BICC1: variants seen among roughly 807,000 people sequenced by gnomAD.
BICC1 encodes the protein protein bicaudal C homolog 1.
Under a neutral mutation model 111.0 loss-of-function variants are expected in BICC1, and 43 were observed. The ratio of observed to expected loss-of-function variants is 0.39; its 90% confidence interval spans 0.30 to 0.50. The LOEUF (loss-of-function observed/expected upper bound fraction) is 0.50. Ranked by LOEUF, BICC1 falls within the 20% of genes least tolerant of loss-of-function variation. The pLI, the probability that BICC1 is intolerant of heterozygous loss-of-function variation, is 0.88. For synonymous variants in BICC1, 467 were observed against 434.4 expected (o/e 1.07, Z -0.93); for missense variants, 1,091 against 1,203.2 (o/e 0.91, Z 1.38).
chr10:58,730,674 G>C (rs1035360849), intron 3 of BICC1, among the ~76,000 whole-genome samples: 3 of 152,044 alleles, frequency 2.0e-5, no homozygotes, highest in African/African-American at 7.2e-5. Context: ...CCAAGCCTCA[G>C]TCTTTCTTTC....
chr10:58,525,885 G>T (rs1029204101), intron 1 of BICC1, among the ~76,000 whole-genome samples: 18 of 151,850 alleles, frequency 1.2e-4, no homozygotes, highest in Non-Finnish European at 2.5e-4. Context: ...AATGTTTTCT[G>T]TATTTCTAAG....
At chr10:58,758,981 A>T (rs957049941) in intron 3 of BICC1, among the ~76,000 whole-genome samples, 1 of 148,086 alleles carries the variant, frequency 6.8e-6, no homozygotes, top group East Asian at 2.0e-4. Flanking sequence ...TTATTTTGAG[A>T]TGGAGTCTTG....
At chr10:58,751,663 A>G (rs1841994706) in intron 3 of BICC1, among the ~76,000 whole-genome samples, 2 of 152,194 alleles carry the variant, frequency 1.3e-5, no homozygotes, top group African/African-American at 4.8e-5. Flanking sequence ...CCCAAAATAT[A>G]ACTGTTTCTT....
rs547606226 is a variant in BICC1 at position 58,552,582 on chromosome 10, G to A, written c.190+39249G>A. Among the ~76,000 whole-genome samples the A allele has an allele frequency of 3.9e-5, 6 of 152,168 alleles. No homozygotes were observed. The East Asian group carries it at 7.7e-4, about 20-fold the overall frequency. On this transcript the variant is annotated intron_variant, in intron 1 of 20. Coordinates refer to ENST00000373886, the MANE Select transcript of BICC1 (RefSeq NM_001080512.3). ...CATCTCCTGACCTTGTGATCCACCC[G>A]CCTCGGCGTCCCAAAGTTCTGGGAT...
chr10:58,789,538 AT>A, intron 7 of BICC1, 82 bp downstream of exon 7: 2 of 1,506,632 alleles, frequency 1.3e-6, no homozygotes, highest in Non-Finnish European at 9.0e-7. Flanking sequence ...GACTAATTTG[AT>A]TTCCAGAATT....
chr10:58,629,897 A>G (rs1837741343), intron 2 of BICC1, among the ~76,000 whole-genome samples: 1 of 152,170 alleles, frequency 6.6e-6, no homozygotes, highest in South Asian at 2.1e-4. Context: ...TATTCAATTC[A>G]ACTTGCTTTC....
intron 2 of BICC1, among the ~76,000 whole-genome samples, chr10:58,625,160 CTCTA>C (rs1226092712): frequency 1.3e-5 from 2 of 152,206 alleles, no homozygotes; most frequent in Non-Finnish European, 2.9e-5. Context: ...CTGATGGCAG[CTCTA>C]TCTAATGGAA....
At chr10:58,665,995 A>T (rs142401456) in intron 2 of BICC1, among the ~76,000 whole-genome samples, 1 of 152,310 alleles carries the variant, frequency 6.6e-6, no homozygotes, top group East Asian at 1.9e-4. Context: ...TTATGTTCTC[A>T]TACTTCTGGC....
At chr10:58,677,949 A>G (rs1054329460) in intron 2 of BICC1, among the ~76,000 whole-genome samples, 1 of 152,246 alleles carries the variant, frequency 6.6e-6, no homozygotes, top group Non-Finnish European at 1.5e-5. Context: ...ACTAAGCTTC[A>G]TAAGTGAGGG....
intron 20 of BICC1, among the ~76,000 whole-genome samples, chr10:58,825,293 C>T (rs1007341399): frequency 2.6e-5 from 4 of 152,096 alleles, no homozygotes; most frequent in Non-Finnish European, 5.9e-5. Flanking sequence ...TGCACAGGTT[C>T]ACTTATACAC....
chr10:58,605,200 A>G (rs1470709904), intron 1 of BICC1, among the ~76,000 whole-genome samples: 1 of 152,214 alleles, frequency 6.6e-6, no homozygotes, highest in Admixed American at 6.5e-5. Context: ...AATATTAAAA[A>G]TCGTCACGTA....
chr10:58,785,359 G>GTACATGTATATATATATACATGGTATATA (rs1435695444), intron 4 of BICC1, among the ~76,000 whole-genome samples: 1 of 151,938 alleles, frequency 6.6e-6, no homozygotes, highest in African/African-American at 2.4e-5. Context: ...GTGTATATAT[G>GTACATGTATATATATATACATGGTATATA]TATACATGTA....
chr10:58,626,202 C>T (rs1438202720), intron 2 of BICC1, among the ~76,000 whole-genome samples: 1 of 152,066 alleles, frequency 6.6e-6, no homozygotes, highest in Non-Finnish European at 1.5e-5. Context: ...CATTGTTGGT[C>T]CCAAGCTTGG....
chr10:58,539,044 C>T (rs943198461), intron 1 of BICC1, among the ~76,000 whole-genome samples: 1 of 151,608 alleles, frequency 6.6e-6, no homozygotes, highest in African/African-American at 2.4e-5. Flanking sequence ...AATTCCACTA[C>T]TGAGTATCTA....
Position 58,788,424 on chromosome 10 carries a change from G to C in BICC1, c.600+1G>C. On this transcript the variant is annotated splice_donor_variant, in intron 6 of 20. Coordinates refer to ENST00000373886, the MANE Select transcript of BICC1 (RefSeq NM_001080512.3). LOFTEE classifies it high-confidence loss of function. ...AGAATCTGCCCGAGTTAGAATTCGG[G>C]TAACTATTTATTACTTTAACATTGT... is the stretch of plus-strand genomic sequence containing the variant. 1 of 1,604,710 alleles carries C rather than the reference G, an allele frequency of 6.2e-7. No homozygotes were observed. The highest frequency in any genetic ancestry group is 8.5e-7 in the Non-Finnish European group (1 of 1,171,924).
chr10:58,802,376 G>A (rs1843575317), intron 14 of BICC1, among the ~76,000 whole-genome samples: 2 of 152,144 alleles, frequency 1.3e-5, no homozygotes, highest in African/African-American at 4.8e-5. Flanking sequence ...ATAAAATCAT[G>A]AATGAATAAA....
chr10:58,648,572 G>A (rs1838340226), intron 2 of BICC1: 1 of 984,542 alleles, frequency 1.0e-6, no homozygotes, highest in African/African-American at 1.7e-5. Flanking sequence ...GGGAACAATG[G>A]TATGTTTAGT....
At chr10:58,684,674 T>C (rs1229890453) in intron 2 of BICC1, among the ~76,000 whole-genome samples, 1 of 152,224 alleles carries the variant, frequency 6.6e-6, no homozygotes, top group Non-Finnish European at 1.5e-5. Context: ...GAGGTGTTTA[T>C]AGTATTCTCT....
At chr10:58,691,881 ATATTCACTTAG>A (rs1038451814) in intron 2 of BICC1, among the ~76,000 whole-genome samples, 31 of 152,178 alleles carry the variant, frequency 2.0e-4, no homozygotes, top group Admixed American at 2.6e-4. Flanking sequence ...CATCTAATAA[ATATTCACTTAG>A]TATTCACTTA....
Sources: gnomAD v4.1 joint callset for allele counts (sites outside exome capture counted in the v4.1 genomes callset) on GRCh38, gnomAD v4.1.1 for gene constraint, MANE v1.5 for transcripts, NCBI Gene and HGNC (gene_info 2026-07-23, HGNC 2026-07-21) for gene names.